LAMTOR3: variants seen among roughly 807,000 people sequenced by gnomAD.
LAMTOR3 encodes the protein ragulator complex protein LAMTOR3.
In LAMTOR3, 14 loss-of-function variants were observed where a neutral mutation model predicts 20.3. The observed-to-expected ratio is 0.69, with a 90% CI of 0.46 to 1.08. LAMTOR3 has a LOEUF of 1.08. LAMTOR3 is among the 50% of genes least tolerant of loss of function. The pLI, the probability that LAMTOR3 is intolerant of heterozygous loss-of-function variation, is 0.00. For synonymous variants in LAMTOR3, 40 were observed against 49.4 expected (o/e 0.81, Z 0.80); for missense variants, 125 against 143.7 (o/e 0.87, Z 0.67).
intron 4 of LAMTOR3, among the ~76,000 whole-genome samples, chr4:99,886,351 C>T (rs1724925048): frequency 6.6e-6 from 1 of 152,184 alleles, no homozygotes; most frequent in African/African-American, 2.4e-5. Flanking sequence ...GGTTCTATTA[C>T]TGTTTTGTTA....
intron 3 of LAMTOR3, among the ~76,000 whole-genome samples, chr4:99,887,732 T>A (rs1167240394): frequency 6.6e-6 from 1 of 152,240 alleles, no homozygotes; most frequent in East Asian, 1.9e-4. Flanking sequence ...CCAGTATTTG[T>A]GGCACTTAAT....
At chr4:99,893,452 G>C (rs920870760) in intron 2 of LAMTOR3, among the ~76,000 whole-genome samples, 2 of 151,892 alleles carry the variant, frequency 1.3e-5, no homozygotes, top group African/African-American at 2.4e-5. Flanking sequence ...CTCCAAACCC[G>C]ACTGATCATT....
rs1299762144 is a variant in LAMTOR3 at position 99,879,682 on chromosome 4, C to T, written c.*2312G>A. Reference sequence around the variant, plus strand: ...CGAGACATGCTTTGTTAGGTGATTTCATCATTATGTGAACATCATACTGTA... The same window carrying T: ...CGAGACATGCTTTGTTAGGTGATTTTATCATTATGTGAACATCATACTGTA... On this transcript the variant is annotated 3_prime_UTR_variant, in exon 7 of 7. Coordinates refer to ENST00000499666, the MANE Select transcript of LAMTOR3 (RefSeq NM_021970.4). 1.3e-5 allele frequency: 2 copies of T among 152,014 alleles called. No homozygotes were observed. The highest frequency in any genetic ancestry group is 4.8e-5 in the African/African-American group (2 of 41,338). The allele number at this position is 152,014 out of a possible 1,614,324, so 9.4% of individuals were successfully genotyped here.
Position 99,879,092 on chromosome 4 carries a change from T to C in LAMTOR3, c.*2902A>G, listed in dbSNP as rs1361666310. 6.6e-6 allele frequency: 1 copy of C among 152,202 alleles called. No homozygotes were observed. Among genetic ancestry groups the C allele is most frequent in the African/African-American group, 2.4e-5 (1 of 41,460 alleles). 9.4% of individuals were successfully genotyped at this position (152,202 alleles called of 1,614,324 possible). On this transcript the variant is annotated 3_prime_UTR_variant, in exon 7 of 7. Coordinates refer to ENST00000499666, the MANE Select transcript of LAMTOR3 (RefSeq NM_021970.4). ...AAGAGTATAACAAGTCACACTTCCC[T>C]AGCAGGCATAGAGAATGCCTGCCCT...
At chr4:99,886,537 C>T (rs1258690009) in intron 4 of LAMTOR3, among the ~76,000 whole-genome samples, 1 of 152,186 alleles carries the variant, frequency 6.6e-6, no homozygotes, top group Non-Finnish European at 1.5e-5. Flanking sequence ...TAAGACATAG[C>T]TAACTCTCCA....
chr4:99,885,466 C>A (rs1724905392), intron 5 of LAMTOR3, 76 bp downstream of exon 5: 1 of 1,282,686 alleles, frequency 7.8e-7, no homozygotes, highest in Non-Finnish European at 1.0e-6. Context: ...AACTATAACA[C>A]AAACTATTTT....
rs1201115864 is a variant in LAMTOR3, at chr4:99,881,206, A to G, written c.*788T>C. Reference sequence around the variant, plus strand: ...AAAGGACCTATACAGTGCTCAAACTATATTTTTAAAAATACTATTTTATTT... The same window carrying G: ...AAAGGACCTATACAGTGCTCAAACTGTATTTTTAAAAATACTATTTTATTT... On this transcript the variant is annotated 3_prime_UTR_variant, in exon 7 of 7. Transcript: ENST00000499666. 2 of 152,220 alleles carry G rather than the reference A, an allele frequency of 1.3e-5. No homozygotes were observed. The highest frequency in any genetic ancestry group is 1.9e-4 in the East Asian group (1 of 5,202). 9.4% of individuals were successfully genotyped at this position (152,220 alleles called of 1,614,324 possible).
At chr4:99,883,126 T>G (rs1358586261) in intron 6 of LAMTOR3, among the ~76,000 whole-genome samples, 1 of 152,082 alleles carries the variant, frequency 6.6e-6, no homozygotes, top group East Asian at 1.9e-4. Flanking sequence ...CTAAATATAC[T>G]TAAAATCTTA....
At chr4:99,887,380 T>TA in intron 3 of LAMTOR3, 26 bp from the exon 4 acceptor site, 1 of 1,080,446 alleles carries the variant, frequency 9.3e-7, no homozygotes, top group Non-Finnish European at 1.3e-6. Context: ...AGTTAAAATA[T>TA]AAAAAAAGTT....
At position 99,880,609 on chromosome 4, in the gene LAMTOR3, GA is replaced by G. The variant is rs921465192; in HGVS notation, c.*1384del. ...AGACTCTGTCTCTTAAAAAAAAAAA[GA>G]AAGAAAGAAAAAGCAGCACAGCACC... On this transcript the variant is annotated 3_prime_UTR_variant, in exon 7 of 7. Transcript: ENST00000499666. 3 of 151,960 alleles carry G rather than the reference GA, an allele frequency of 2.0e-5. No homozygotes were observed. Among genetic ancestry groups the G allele is most frequent in the Admixed American group, 6.6e-5 (1 of 15,202 alleles). The allele number at this position is 151,960 out of a possible 1,614,324, so 9.4% of individuals were successfully genotyped here.
At chr4:99,884,873 G>A (rs1440465271) in intron 5 of LAMTOR3, among the ~76,000 whole-genome samples, 1 of 152,006 alleles carries the variant, frequency 6.6e-6, no homozygotes, top group Non-Finnish European at 1.5e-5. Flanking sequence ...GCTGAGGCGT[G>A]AGAATCACTT....
Position 99,881,948 on chromosome 4 carries a change from G to A in LAMTOR3, c.*46C>T. ...GTCTAAAGATTGCTGGATTGATATT[G>A]TGTTGTTATAATGAAGATAAGGTAC... is the stretch of plus-strand genomic sequence containing the variant. On this transcript the variant is annotated 3_prime_UTR_variant, in exon 7 of 7. Coordinates refer to ENST00000499666, the MANE Select transcript of LAMTOR3 (RefSeq NM_021970.4). 1.6e-6 allele frequency: 2 copies of A among 1,238,736 alleles called. No individual in the cohort carries two copies. Among genetic ancestry groups the A allele is most frequent in the Non-Finnish European group, 2.4e-6 (2 of 844,756 alleles). 76.7% of individuals were successfully genotyped at this position (1,238,736 alleles called of 1,614,324 possible). A position where few individuals can be genotyped will look rare whatever the true frequency, so the allele number is the denominator to read the frequency against.
chr4:99,885,742 T>G, intron 4 of LAMTOR3, 67 bp from the exon 5 acceptor site: 1 of 1,350,062 alleles, frequency 7.4e-7, no homozygotes, highest in Non-Finnish European at 1.0e-6. Context: ...ACAGCCCTTT[T>G]TTTTCATAAA....
At position 99,885,555 on chromosome 4, in the gene LAMTOR3, T is replaced by C. The variant is rs561188173; in HGVS notation, c.224A>G (p.Tyr75Cys). ...LSKNKSIICY[Y>C]NTYQVVQFNR... is the part of the protein sequence containing the mutation. ...TTATGAACTTACCTGGTAGGTGTTA[T>C]AGTAACAGATGATACTTTTATTTTT... The change falls in exon 5 of 7, where the codon TAT becomes TGT. Residue 75 changes from tyrosine (Y) to cysteine (C), a missense_variant. Physicochemically the swap from Tyr to Cys is radical, Grantham distance 194. Around this residue, in one of 3 missense-constraint regions of LAMTOR3, gnomAD observed 99 missense variants for 96.0 expected, o/e 1.03. Coordinates refer to ENST00000499666, the MANE Select transcript of LAMTOR3 (RefSeq NM_021970.4). The C allele has an allele frequency of 9.9e-6, 16 of 1,611,760 alleles. No individual in the cohort carries two copies. The highest frequency in any genetic ancestry group is 1.3e-5 in the Non-Finnish European group (15 of 1,179,088).
chr4:99,882,966 C>T lies in LAMTOR3; in HGVS notation c.302-899G>A, dbSNP rs542824752. Among the ~76,000 whole-genome samples, 4 of 152,080 alleles carry T rather than the reference C, an allele frequency of 2.6e-5. No homozygotes were observed. The East Asian group carries it at 7.7e-4, about 29-fold the overall frequency. On this transcript the variant is annotated intron_variant, in intron 6 of 6. Transcript: ENST00000499666. The stretch of plus-strand genomic sequence containing the variant: ...TGTTCAAACAAATAAAGATCTTTCT[C>T]TGTCTTATAGAATATAAAAAGCATC...
In LAMTOR3 at chr4:99,880,519, G is replaced by A. The variant is rs1472546244; in HGVS notation, c.*1475C>T. Reference sequence around the variant, plus strand: ...GGGGCATGAGAACAGCTTGAACCCAGGAGGCAGAGGTTACAGTGAGGCAAG... The same window carrying A: ...GGGGCATGAGAACAGCTTGAACCCAAGAGGCAGAGGTTACAGTGAGGCAAG... On this transcript the variant is annotated 3_prime_UTR_variant, in exon 7 of 7. Coordinates refer to ENST00000499666, the MANE Select transcript of LAMTOR3 (RefSeq NM_021970.4). 6.6e-6 allele frequency: 1 copy of A among 152,024 alleles called. No individual in the cohort carries two copies. Among genetic ancestry groups the A allele is most frequent in the Non-Finnish European group, 1.5e-5 (1 of 68,082 alleles). The allele number at this position is 152,024 out of a possible 1,614,324, so 9.4% of individuals were successfully genotyped here.
chr4:99,885,938 CT>C (rs1161062644), intron 4 of LAMTOR3, among the ~76,000 whole-genome samples: 24 of 152,244 alleles, frequency 1.6e-4, no homozygotes, highest in Admixed American at 1.6e-3. Context: ...TTTACATTTT[CT>C]TGATATCTAA....
intron 3 of LAMTOR3, among the ~76,000 whole-genome samples, 156 bp downstream of exon 3, chr4:99,891,844 C>T (rs186403329): frequency 1.3e-5 from 2 of 151,864 alleles, no homozygotes; most frequent in Admixed American, 6.6e-5. Flanking sequence ...GCGGTTGTGA[C>T]GAAAATTTTC....
rs1011851768 is a variant in LAMTOR3 at position 99,885,117 on chromosome 4, C to A, written c.237+425G>T. ...TAACTTCTTTCCCACAAATAATAAT[C>A]TCATTTATTACATATATATATTTCC... On this transcript the variant is annotated intron_variant, in intron 5 of 6. Coordinates refer to ENST00000499666, the MANE Select transcript of LAMTOR3 (RefSeq NM_021970.4). Among the ~76,000 whole-genome samples the A allele has an allele frequency of 2.0e-5, 3 of 152,072 alleles. No homozygotes were observed. The East Asian group carries it at 5.8e-4, about 29-fold the overall frequency.
Sources: allele counts gnomAD v4.1 joint callset (sites outside exome capture counted in the v4.1 genomes callset), GRCh38; gene constraint gnomAD v4.1.1; regional missense constraint gnomAD v4.1.1; transcripts MANE v1.5; gene names NCBI Gene and HGNC (gene_info 2026-07-23, HGNC 2026-07-21).